Variants in OSBPL10 observed in about 807,000 individuals in gnomAD.
The protein encoded by OSBPL10 is oxysterol-binding protein-related protein 10.
A neutral mutation model predicts 81.7 loss-of-function variants in OSBPL10; 49 were observed. The ratio of observed to expected loss-of-function variants is 0.60; its 90% CI spans 0.48 to 0.76. The LOEUF (loss-of-function observed/expected upper bound fraction) is 0.76. Ranked by LOEUF, OSBPL10 falls within the 30% of genes least tolerant of loss-of-function variation. OSBPL10 has a pLI of 0.00. For missense variants in OSBPL10, 923 were observed against 987.8 expected, an observed-to-expected ratio of 0.93 and a Z score of 0.88; for synonymous variants, 419 against 383.6, an observed-to-expected ratio of 1.09 and a Z score of -1.08.
At chr3:31,855,987 A>C (rs2125585960) in intron 3 of OSBPL10, among the ~76,000 whole-genome samples, 1 of 152,034 alleles carries the variant, frequency 6.6e-6, no homozygotes, top group Non-Finnish European at 1.5e-5. Context: ...CAACTGAATC[A>C]AAACTGTACC....
chr3:32,024,234 G>A (rs2880339), intron 2 of OSBPL10, among the ~76,000 whole-genome samples: 103,798 of 152,040 alleles, frequency 0.68, 38,186 homozygotes, highest in South Asian at 0.85. Context: ...CTTATCAATT[G>A]CTACAAAAAA....
intron 1 of OSBPL10, 77 bp downstream of exon 1, chr3:31,980,822 C>G: frequency 7.1e-7 from 1 of 1,408,414 alleles, no homozygotes; most frequent in African/African-American, 1.8e-5. Context: ...CATACACAGA[C>G]ACACATACAC....
chr3:32,015,615 T>C (rs530040151), intron 2 of OSBPL10, among the ~76,000 whole-genome samples: 1 of 152,214 alleles, frequency 6.6e-6, no homozygotes, highest in East Asian at 1.9e-4. Context: ...CTAATTAAAC[T>C]AAAGAGCTTC....
intron 6 of OSBPL10, among the ~76,000 whole-genome samples, chr3:31,722,658 TTA>T (rs940981436): frequency 6.6e-6 from 1 of 151,766 alleles, no homozygotes. Context: ...TTGAATTACA[TTA>T]TATATATATA....
chr3:32,010,178 G>A (rs375711460), intron 2 of OSBPL10, among the ~76,000 whole-genome samples: 1 of 151,698 alleles, frequency 6.6e-6, no homozygotes, highest in Admixed American at 6.6e-5. Context: ...CAGAAATGCA[G>A]GTGCACAGAG....
chr3:32,026,992 G>A (rs1178257119), intron 2 of OSBPL10, among the ~76,000 whole-genome samples: 1 of 152,112 alleles, frequency 6.6e-6, no homozygotes, highest in Non-Finnish European at 1.5e-5. Flanking sequence ...CTAAATAACA[G>A]CCGTGGCCAG....
chr3:31,727,919 C>A (rs967088460), intron 6 of OSBPL10, among the ~76,000 whole-genome samples: 2 of 152,172 alleles, frequency 1.3e-5, no homozygotes, highest in Non-Finnish European at 2.9e-5. Flanking sequence ...AGATGGACAG[C>A]TTTATGGCTT....
intron 4 of OSBPL10, among the ~76,000 whole-genome samples, chr3:31,792,747 G>A (rs1203152055): frequency 1.1e-5 from 1 of 93,006 alleles, no homozygotes; most frequent in Non-Finnish European, 1.9e-5. Flanking sequence ...CAGAGTGTGT[G>A]TGTGTGTGTG....
intron 3 of OSBPL10, among the ~76,000 whole-genome samples, chr3:31,862,861 T>A (rs1259655545): frequency 6.6e-6 from 1 of 152,208 alleles, no homozygotes; most frequent in Non-Finnish European, 1.5e-5. Flanking sequence ...AGTCTGGTTG[T>A]TCCTTAAAAA....
chr3:31,933,237 C>T (rs1345956854), intron 1 of OSBPL10, among the ~76,000 whole-genome samples: 2 of 152,120 alleles, frequency 1.3e-5, no homozygotes, highest in African/African-American at 2.4e-5. Context: ...ACCAGTCCTG[C>T]CATCCTTTTG....
chr3:31,939,584 A>C (rs1575048021), intron 1 of OSBPL10, among the ~76,000 whole-genome samples: 1 of 148,766 alleles, frequency 6.7e-6, no homozygotes, highest in African/African-American at 2.5e-5. Flanking sequence ...TTCCTTCCCC[A>C]CCCCTCCAGT....
intron 4 of OSBPL10, among the ~76,000 whole-genome samples, chr3:31,768,830 C>A (rs1172688580): frequency 6.6e-6 from 1 of 152,138 alleles, no homozygotes; most frequent in African/African-American, 2.4e-5. Flanking sequence ...TAATCAAGCT[C>A]CATTTATTTC....
At chr3:31,847,575 A>G (rs752330463) in intron 3 of OSBPL10, among the ~76,000 whole-genome samples, 5 of 152,028 alleles carry the variant, frequency 3.3e-5, no homozygotes, top group Non-Finnish European at 4.4e-5. Context: ...CATTACCCCA[A>G]TCCATATCTG....
chr3:31,673,960 T>A (rs1419357979), intron 8 of OSBPL10, among the ~76,000 whole-genome samples: 1 of 151,528 alleles, frequency 6.6e-6, no homozygotes, highest in African/African-American at 2.4e-5. Flanking sequence ...GAAAAAAAAA[T>A]TATTTATAGA....
At position 31,989,127 on chromosome 3, in the gene OSBPL10, C is replaced by T. The variant is rs1053697617; in HGVS notation, n.298+57364G>A. ...AGAAGAGGAAAGAAAAGGAGCCAGGCATGGCTCTTCCTCAGGGACACTTGA... is the reference window on the plus strand; with the variant it reads ...AGAAGAGGAAAGAAAAGGAGCCAGGTATGGCTCTTCCTCAGGGACACTTGA... On this transcript the variant is annotated intron_variant and non_coding_transcript_variant, in intron 2 of 3. Coordinates refer to the OSBPL10 transcript ENST00000479173. The T allele has an allele frequency of 2.5e-6, 4 of 1,614,022 alleles. No individual in the cohort carries two copies. In the African/African-American group the frequency reaches 4.0e-5, roughly 16 times the overall value.
chr3:31,757,396 T>C (rs1697919117), intron 4 of OSBPL10, among the ~76,000 whole-genome samples: 1 of 152,040 alleles, frequency 6.6e-6, no homozygotes, highest in Admixed American at 6.6e-5. Context: ...GGCCAGGAGT[T>C]TAAGACCAGC....
At chr3:31,949,224 A>C (rs1697792019) in intron 1 of OSBPL10, among the ~76,000 whole-genome samples, 2 of 152,190 alleles carry the variant, frequency 1.3e-5, no homozygotes, top group South Asian at 4.1e-4. Flanking sequence ...GGATTGAACC[A>C]ATCAACTGAA....
chr3:31,980,568 C>A (rs747948318), intron 1 of OSBPL10, among the ~76,000 whole-genome samples: 1 of 152,214 alleles, frequency 6.6e-6, no homozygotes, highest in South Asian at 2.1e-4. Flanking sequence ...GTGCGGGAAA[C>A]CGCGGACAAG....
At chr3:31,755,013 C>A (rs1046070319) in intron 4 of OSBPL10, among the ~76,000 whole-genome samples, 2 of 152,038 alleles carry the variant, frequency 1.3e-5, no homozygotes, top group Non-Finnish European at 1.5e-5. Flanking sequence ...GGCTGTGGTT[C>A]CAATGACAAT....
Sources: allele counts gnomAD v4.1 joint callset (sites outside exome capture counted in the v4.1 genomes callset), GRCh38; gene constraint gnomAD v4.1.1; transcripts MANE v1.5; gene names NCBI Gene and HGNC (gene_info 2026-07-23, HGNC 2026-07-21).